The following CSTF3 variants were observed in gnomAD, a reference collection of about 807,000 sequenced individuals.
CSTF3 encodes the protein CF-1 77 kDa subunit.
CSTF3 carries 29 observed loss-of-function variants against 105.8 expected under a neutral mutation model. The ratio of observed to expected loss-of-function variants is 0.27; its 90% CI spans 0.20 to 0.37. The LOEUF is 0.37. CSTF3 is among the 10% of genes least tolerant of loss of function. CSTF3 has a pLI of 1.00. For missense variants in CSTF3, 357 were observed against 879.3 expected, an observed-to-expected ratio of 0.41 and a Z score of 7.51; for synonymous variants, 252 against 281.9, an observed-to-expected ratio of 0.89 and a Z score of 1.06.
chr11:33,106,299 C>T (rs983441441), intron 5 of CSTF3, among the ~76,000 whole-genome samples: 1 of 151,998 alleles, frequency 6.6e-6, no homozygotes, highest in Admixed American at 6.6e-5. Flanking sequence ...ACCTGTAATC[C>T]TAGCTACTCG....
intron 3 of CSTF3, among the ~76,000 whole-genome samples, chr11:33,138,379 A>G (rs1403691720): frequency 6.6e-6 from 1 of 151,790 alleles, no homozygotes; most frequent in East Asian, 1.9e-4. Context: ...GGGCAGAACA[A>G]TTTAAAAGAA....
At chr11:33,125,728 C>G (rs1458033738) in intron 3 of CSTF3, among the ~76,000 whole-genome samples, 2 of 152,112 alleles carry the variant, frequency 1.3e-5, no homozygotes. Flanking sequence ...CTTGGGCAGG[C>G]CTTGGGTTTT....
At chr11:33,129,768 G>A (rs2133791827) in intron 3 of CSTF3, among the ~76,000 whole-genome samples, 1 of 152,268 alleles carries the variant, frequency 6.6e-6, no homozygotes, top group Middle Eastern at 3.4e-3. Context: ...ACCCATAAAA[G>A]TATCTTACAA....
chr11:33,114,147 G>A (rs1855408062), intron 3 of CSTF3, among the ~76,000 whole-genome samples: 1 of 152,062 alleles, frequency 6.6e-6, no homozygotes. Context: ...AATTTTTAAA[G>A]TGTTAACTTT....
chr11:33,151,179 T>C (rs973241167), intron 1 of CSTF3, among the ~76,000 whole-genome samples: 3 of 152,148 alleles, frequency 2.0e-5, no homozygotes, highest in African/African-American at 7.2e-5. Context: ...CAATATGTGT[T>C]CTTTTTGTTT....
chr11:33,158,778 C>A (rs1239226866), intron 1 of CSTF3, among the ~76,000 whole-genome samples: 1 of 152,084 alleles, frequency 6.6e-6, no homozygotes, highest in Admixed American at 6.6e-5. Flanking sequence ...TCAGGAAATA[C>A]AGATGAAGGG....
chr11:33,092,177 A>G, intron 16 of CSTF3, 94 bp downstream of exon 16: 2 of 742,838 alleles, frequency 2.7e-6, no homozygotes, highest in South Asian at 5.3e-5. Context: ...TTCTCTTGAA[A>G]CTCATACTCA....
At chr11:33,133,028 T>C (rs1392929898) in intron 3 of CSTF3, among the ~76,000 whole-genome samples, 2 of 152,110 alleles carry the variant, frequency 1.3e-5, no homozygotes, top group Non-Finnish European at 1.5e-5. Context: ...ATGACAGAAT[T>C]GACAGGCATC....
intron 3 of CSTF3, among the ~76,000 whole-genome samples, chr11:33,125,360 C>A (rs1855532109): frequency 6.6e-6 from 1 of 152,082 alleles, no homozygotes; most frequent in African/African-American, 2.4e-5. Flanking sequence ...CTGATCTGTT[C>A]CTTTCCCTTC....
chr11:33,108,590 G>A (rs1460407952), intron 3 of CSTF3, among the ~76,000 whole-genome samples, 172 bp from the exon 4 acceptor site: 1 of 152,044 alleles, frequency 6.6e-6, no homozygotes, highest in Non-Finnish European at 1.5e-5. Flanking sequence ...AAAATGCATT[G>A]TAAATATACC....
Position 33,148,954 on chromosome 11 carries a change from G to T in CSTF3, c.28-6968C>A, listed in dbSNP as rs987433520. ...TGATCCTCCTGTCTCAGCCTCCCAC[G>T]TAGCTGGGACTACAGGCGTGTACCA... is the stretch of plus-strand genomic sequence containing the variant. On this transcript the variant is annotated intron_variant, in intron 1 of 20. Transcript: ENST00000323959. 4.7e-5 allele frequency among the ~76,000 whole-genome samples: 7 copies of T among 149,160 alleles called. No homozygotes were observed. The South Asian group carries it at 1.3e-3, about 27-fold the overall frequency.
chr11:33,107,233 C>A (rs557206093), intron 5 of CSTF3, among the ~76,000 whole-genome samples: 1 of 152,264 alleles, frequency 6.6e-6, no homozygotes, highest in East Asian at 1.9e-4. Context: ...GGGAGGATCA[C>A]TTGAGCCCAA....
chr11:33,155,813 T>C (rs1384634284), intron 1 of CSTF3, among the ~76,000 whole-genome samples: 1 of 152,078 alleles, frequency 6.6e-6, no homozygotes, highest in Non-Finnish European at 1.5e-5. Context: ...AAGAGAAAGA[T>C]TCAGAGACAT....
chr11:33,130,429 C>T (rs1479275678), intron 3 of CSTF3, among the ~76,000 whole-genome samples: 2 of 152,030 alleles, frequency 1.3e-5, no homozygotes, highest in South Asian at 2.1e-4. Context: ...GCCAAGATTG[C>T]GCCACTACAC....
chr11:33,084,791 A>G lies in CSTF3; in HGVS notation c.*296T>C, dbSNP rs574888272. The G allele has an allele frequency of 1.0e-4, 38 of 363,112 alleles. No homozygotes were observed. The South Asian group carries it at 1.4e-3, about 13-fold the overall frequency. The allele number at this position is 363,112 out of a possible 1,614,324, so 22.5% of individuals were successfully genotyped here. ...AAATAAAACTGTTGAAAAACTCACA[A>G]ATCTTCAAGCGGCACATACAAGACA... On this transcript the variant is annotated 3_prime_UTR_variant, in exon 21 of 21. Transcript: ENST00000323959.
chr11:33,160,939 C>A (rs1424291910), intron 1 of CSTF3, among the ~76,000 whole-genome samples: 2 of 152,152 alleles, frequency 1.3e-5, no homozygotes, highest in African/African-American at 4.8e-5. Flanking sequence ...AAAAGAAACA[C>A]TGTCAAGTTT....
intron 3 of CSTF3, among the ~76,000 whole-genome samples, chr11:33,118,052 T>G (rs1855449698): frequency 6.6e-6 from 1 of 151,782 alleles, no homozygotes; most frequent in Non-Finnish European, 1.5e-5. Flanking sequence ...CATTTTCTTT[T>G]TTATCTCTAA....
At chr11:33,085,849 T>G (rs1378800404) in intron 19 of CSTF3, 46 bp downstream of exon 19, 52 of 1,589,120 alleles carry the variant, frequency 3.3e-5, no homozygotes, top group Non-Finnish European at 4.1e-5. Context: ...ACACAATTAC[T>G]ATGACCCACA....
intron 17 of CSTF3, 22 bp downstream of exon 17, chr11:33,090,510 C>T (rs765817438): frequency 7.0e-7 from 1 of 1,429,444 alleles, no homozygotes; most frequent in Admixed American, 2.5e-5. Context: ...GGACACTCCA[C>T]ATCTTGATCC....
Sources: gnomAD v4.1 joint callset for allele counts (sites outside exome capture counted in the v4.1 genomes callset) on GRCh38, gnomAD v4.1.1 for gene constraint, MANE v1.5 for transcripts, NCBI Gene and HGNC (gene_info 2026-07-23, HGNC 2026-07-21) for gene names.